GNAS: variants seen among roughly 807,000 people sequenced by gnomAD.
GNAS encodes the protein protein ALEX.
Under a neutral mutation model 54.5 loss-of-function variants are expected in GNAS, and 8 were observed. The observed-to-expected ratio is 0.15, with a 90% confidence interval of 0.09 to 0.26. The LOEUF is 0.26. Ranked by LOEUF, GNAS falls within the 10% of genes least tolerant of loss-of-function variation. GNAS has a pLI of 1.00. For synonymous variants in GNAS, 204 were observed against 191.4 expected, an observed-to-expected ratio of 1.07 and a Z score of -0.54; for missense variants, 170 against 529.8, an observed-to-expected ratio of 0.32 and a Z score of 6.67.
In GNAS at chr20:58,853,915, G is replaced by T. The variant is rs1415214845; in HGVS notation, c.43+13029G>T. The stretch of plus-strand genomic sequence containing the variant: ...AAGGCTGGCTCCAGAGGAGGCTACA[G>T]CCCTCCCCCTGAGGAGACTATGCCA... On this transcript the variant is annotated intron_variant, in intron 1 of 12. Coordinates refer to the GNAS transcript ENST00000306090. The surrounding 1 kb of genome is among the most constrained non-coding windows in gnomAD (Gnocchi z 4.4). The T allele has an allele frequency of 1.9e-6, 3 of 1,608,836 alleles. No individual in the cohort carries two copies. Among genetic ancestry groups the T allele is most frequent in the Non-Finnish European group, 2.5e-6 (3 of 1,177,960 alleles).
upstream of GNAS, among the ~76,000 whole-genome samples, chr20:58,890,969 C>T (rs2089176299): frequency 6.6e-6 from 1 of 151,726 alleles, no homozygotes; most frequent in African/African-American, 2.4e-5. Context: ...TCCGCCCACC[C>T]CAGCCCCTCG....
intron 6 of GNAS, among the ~76,000 whole-genome samples, chr20:58,908,132 A>C (rs2091206937): frequency 6.6e-6 from 1 of 152,226 alleles, no homozygotes; most frequent in South Asian, 2.1e-4. Context: ...AAACTTAGGC[A>C]GTTTCTTTAA....
intron 1 of GNAS, among the ~76,000 whole-genome samples, chr20:58,894,086 G>GC (rs2089799865): frequency 6.6e-6 from 1 of 152,148 alleles, no homozygotes; most frequent in African/African-American, 2.4e-5. Context: ...ACCTAATAAT[G>GC]CCCCAAATCC....
intron 1 of GNAS, among the ~76,000 whole-genome samples, chr20:58,869,687 T>C (rs1475464618): frequency 2.0e-5 from 3 of 152,246 alleles, no homozygotes; most frequent in Non-Finnish European, 4.4e-5. Context: ...CAAGTATCAT[T>C]GTGTTTTTCA....
rs927521194 is a variant in GNAS at position 58,895,596 on chromosome 20, T to G, written c.140-16T>G. The stretch of plus-strand genomic sequence containing the variant: ...AATGCCTCCTTCATAACCTGAGACT[T>G]ACTTTCATTTTCTAGGTGCTGGAGA... On this transcript the variant is annotated splice_polypyrimidine_tract_variant and intron_variant, in intron 1 of 12. Transcript: ENST00000371085. The G allele has an allele frequency of 3.2e-6, 5 of 1,541,440 alleles. No individual in the cohort carries two copies. The highest frequency in any genetic ancestry group is 4.5e-6 in the Non-Finnish European group (5 of 1,113,768).
chr20:58,896,745 C>T (rs1367359118), intron 2 of GNAS, among the ~76,000 whole-genome samples: 1 of 152,100 alleles, frequency 6.6e-6, no homozygotes, highest in East Asian at 1.9e-4. Flanking sequence ...TTTGTAATTA[C>T]TAGCTGGTTG....
At chr20:58,897,522 G>A (rs2090176828) in intron 2 of GNAS, 1 of 152,204 alleles carries the variant, frequency 6.6e-6, no homozygotes, top group Non-Finnish European at 1.5e-5. Context: ...TGGAAGCTAA[G>A]TCACCTTTGA....
At chr20:58,840,048 C>T (rs1243526623), upstream of GNAS, 2 of 1,583,848 alleles carry the variant, frequency 1.3e-6, no homozygotes, top group South Asian at 1.1e-5. This position sits in a 1 kb window ranked among gnomAD's most constrained non-coding sequence, Gnocchi z 6.0. Flanking sequence ...CAATGTGCTT[C>T]GGAGCCACTC....
intron 1 of GNAS, among the ~76,000 whole-genome samples, chr20:58,869,211 G>GACAAAT (rs2087271100): frequency 2.0e-5 from 3 of 152,274 alleles, no homozygotes; most frequent in Admixed American, 1.3e-4. Context: ...CAAATCCCTG[G>GACAAAT]TTCTAGTTTT....
At chr20:58,842,618 G>A (rs1458073885) in intron 1 of GNAS, 3 of 397,862 alleles carry the variant, frequency 7.5e-6, no homozygotes, top group Non-Finnish European at 1.3e-5. Context: ...CAGAAGTTTG[G>A]AGGCTGCGGA....
chr20:58,840,392 T>C, upstream of GNAS: 1 of 1,613,320 alleles, frequency 6.2e-7, no homozygotes, highest in Non-Finnish European at 8.5e-7. The surrounding 1 kb of genome is among the most constrained non-coding windows in gnomAD (Gnocchi z 6.0). Flanking sequence ...CCTTGAGCTG[T>C]CCCTCCCCGA....
intron 1 of GNAS, among the ~76,000 whole-genome samples, chr20:58,876,271 G>A (rs367601972): frequency 3.2e-4 from 49 of 152,284 alleles, no homozygotes; most frequent in African/African-American, 1.1e-3. Flanking sequence ...TAACACTCGA[G>A]TTTCCTTATA....
chr20:58,884,562 G>A (rs2088462387), intron 1 of GNAS: 2 of 152,134 alleles, frequency 1.3e-5, no homozygotes, highest in African/African-American at 4.8e-5. Flanking sequence ...TTGTAAATAA[G>A]CAGGAAAGTA....
At chr20:58,885,860 C>A (rs1019356308) in intron 1 of GNAS, among the ~76,000 whole-genome samples, 1 of 152,214 alleles carries the variant, frequency 6.6e-6, no homozygotes, top group African/African-American at 2.4e-5. Flanking sequence ...GTGCTAAATA[C>A]TATTATTAAA....
In GNAS at chr20:58,910,965, G is replaced by A. The variant is rs3730177; in HGVS notation, c.*136G>A. On this transcript the variant is annotated 3_prime_UTR_variant, in exon 13 of 13. Coordinates refer to ENST00000371085, the MANE Select transcript of GNAS (RefSeq NM_000516.7). The surrounding 1 kb of genome is among the most constrained non-coding windows in gnomAD (Gnocchi z 5.8). ...TTTCCCTTCCCCCGAGTGATTTTGC[G>A]AAACCCCCTTTTCCCTTCAGCTTGC... The A allele has an allele frequency of 9.8e-3, 8,597 of 874,004 alleles. 759 individuals are homozygous for A. The East Asian group carries it at 0.19, about 19-fold the overall frequency. 54.1% of individuals were successfully genotyped at this position (874,004 alleles called of 1,614,324 possible).
In GNAS at chr20:58,905,121, T is replaced by TC. The variant is rs536467775; in HGVS notation, c.433-257dup. Among the ~76,000 whole-genome samples, 4 of 152,238 alleles carry TC rather than the reference T, an allele frequency of 2.6e-5. No individual in the cohort carries two copies. The East Asian group carries it at 7.7e-4, about 29-fold the overall frequency. ...TAAATTACTCAGTAGCTTACCCCAT[T>TC]CCCCCTACACACGAGAAAAGAAACT... is the stretch of plus-strand genomic sequence containing the variant. On this transcript the variant is annotated intron_variant, in intron 5 of 12. Transcript: ENST00000371085.
intron 3 of GNAS, 30 bp from the exon 4 acceptor site, chr20:58,903,501 G>T: frequency 6.3e-7 from 1 of 1,585,404 alleles, no homozygotes; most frequent in Non-Finnish European, 8.7e-7. Flanking sequence ...GGTGCAATAT[G>T]ATTTTCTTTT....
chr20:58,910,866 C>CAATT lies in GNAS; in HGVS notation c.*44_*47dup, dbSNP rs1212258982. The CAATT allele has an allele frequency of 8.8e-6, 14 of 1,593,222 alleles. No homozygotes were observed. Among genetic ancestry groups the CAATT allele is most frequent in the Non-Finnish European group, 1.2e-5 (14 of 1,161,380 alleles). ...CCAAATTTAATTAAAGCCTTAAGCACAATTAATTAAAAGTGAAACGTAATT... is the reference window on the plus strand; with the variant it reads ...CCAAATTTAATTAAAGCCTTAAGCACAATTAATTAATTAAAAGTGAAACGTAATT... On this transcript the variant is annotated 3_prime_UTR_variant, in exon 13 of 13. Transcript: ENST00000371085. This position sits in a 1 kb window ranked among gnomAD's most constrained non-coding sequence, Gnocchi z 5.8.
chr20:58,862,996 T>G (rs1041099752), intron 1 of GNAS, among the ~76,000 whole-genome samples: 4 of 150,406 alleles, frequency 2.7e-5, no homozygotes, highest in African/African-American at 9.7e-5. Flanking sequence ...AGAAAATGTG[T>G]TTAGTTTCCT....
Sources: gnomAD v4.1 joint callset for allele counts (sites outside exome capture counted in the v4.1 genomes callset) on GRCh38, gnomAD v4.1.1 for gene constraint, Gnocchi (gnomAD v3.1) non-coding constraint, MANE v1.5 for transcripts, NCBI Gene and HGNC (gene_info 2026-07-23, HGNC 2026-07-21) for gene names.